KCTD8: variants seen among roughly 807,000 people sequenced by gnomAD.
The protein encoded by KCTD8 is BTB/POZ domain-containing protein KCTD8.
In KCTD8, 27 loss-of-function variants were observed where a neutral mutation model predicts 31.5. The observed-to-expected ratio is 0.86, with a 90% CI of 0.63 to 1.18. KCTD8 has a LOEUF of 1.18. Among genes scored for constraint, KCTD8 ranks in the 50% most tolerant of loss-of-function variants. The probability of loss-of-function intolerance (pLI) is 0.00; values close to 1 mark genes in which losing one functional copy is unlikely to be tolerated. For synonymous variants in KCTD8, 290 were observed against 280.0 expected (o/e 1.04, Z -0.36); for missense variants, 658 against 647.7 (o/e 1.02, Z -0.17).
intron 1 of KCTD8, among the ~76,000 whole-genome samples, chr4:44,368,229 T>G (rs1431188876): frequency 6.6e-6 from 1 of 151,774 alleles, no homozygotes; most frequent in African/African-American, 2.4e-5. Context: ...ATACAAAAAT[T>G]AGCCAGGCAT....
At chr4:44,424,353 T>C (rs1018191107) in intron 1 of KCTD8, among the ~76,000 whole-genome samples, 3 of 152,038 alleles carry the variant, frequency 2.0e-5, no homozygotes, top group African/African-American at 7.2e-5. Context: ...CAACCCAGCA[T>C]AGGTCCCTGC....
chr4:44,408,595 T>G (rs991829840), intron 1 of KCTD8, among the ~76,000 whole-genome samples: 5 of 152,288 alleles, frequency 3.3e-5, no homozygotes, highest in Non-Finnish European at 5.9e-5. Context: ...ATAGATAATT[T>G]GTAATCACTC....
In KCTD8 at chr4:44,381,046, C is replaced by T. The variant is rs181435224; in HGVS notation, c.961+66517G>A. ...ACCTCAGCTATCTAATTAATACACT[C>T]ACTTTTAATAGCCCCATTAGATTTC... On this transcript the variant is annotated intron_variant, in intron 1 of 1. Transcript: ENST00000360029. Among the ~76,000 whole-genome samples, 346 of 152,104 alleles carry T rather than the reference C, an allele frequency of 2.3e-3. 2 individuals carry two copies. The highest frequency in any genetic ancestry group is 7.5e-3 in the African/African-American group (311 of 41,546).
intron 1 of KCTD8, among the ~76,000 whole-genome samples, chr4:44,223,160 G>A (rs17538619): frequency 2.3e-4 from 35 of 152,248 alleles, no homozygotes; most frequent in South Asian, 1.2e-3. Context: ...CCAGAAAAAC[G>A]TCTGAAGACT....
intron 1 of KCTD8, among the ~76,000 whole-genome samples, chr4:44,261,441 AGAG>A (rs1053387727): frequency 1.3e-4 from 19 of 151,964 alleles, no homozygotes; most frequent in Non-Finnish European, 2.2e-4. Flanking sequence ...TAGTGTAAAT[AGAG>A]GAGAAGAGGT....
At chr4:44,298,208 G>A (rs923992663) in intron 1 of KCTD8, among the ~76,000 whole-genome samples, 1 of 152,090 alleles carries the variant, frequency 6.6e-6, no homozygotes, top group Non-Finnish European at 1.5e-5. Flanking sequence ...GCTCAGATAA[G>A]GATTTACAGC....
chr4:44,407,029 C>G (rs1197127579), intron 1 of KCTD8, among the ~76,000 whole-genome samples: 3 of 152,184 alleles, frequency 2.0e-5, no homozygotes, highest in African/African-American at 7.2e-5. Context: ...ACCTAATATC[C>G]TAGTAGGCAT....
At chr4:44,212,955 T>C (rs1003484485) in intron 1 of KCTD8, among the ~76,000 whole-genome samples, 4 of 152,328 alleles carry the variant, frequency 2.6e-5, no homozygotes, top group Non-Finnish European at 4.4e-5. Context: ...TGTTTGTTTT[T>C]GAGATGGAGT....
intron 1 of KCTD8, among the ~76,000 whole-genome samples, chr4:44,431,790 T>A (rs1721512732): frequency 6.6e-6 from 1 of 151,584 alleles, no homozygotes; most frequent in African/African-American, 2.4e-5. Flanking sequence ...TGATGTTTCC[T>A]CCACATTACT....
intron 1 of KCTD8, among the ~76,000 whole-genome samples, chr4:44,284,116 C>A (rs569176652): frequency 2.0e-5 from 3 of 151,566 alleles, no homozygotes; most frequent in African/African-American, 4.8e-5. Flanking sequence ...TCACAGAATT[C>A]GAAAAAAAAC....
intron 1 of KCTD8, among the ~76,000 whole-genome samples, chr4:44,306,082 T>G (rs1717792970): frequency 6.6e-6 from 1 of 151,808 alleles, no homozygotes; most frequent in South Asian, 2.1e-4. Context: ...TTAGAAAGAC[T>G]AAAAATTAAT....
At chr4:44,182,381 G>T (rs1713450863) in intron 1 of KCTD8, among the ~76,000 whole-genome samples, 1 of 152,232 alleles carries the variant, frequency 6.6e-6, no homozygotes, top group Non-Finnish European at 1.5e-5. Flanking sequence ...AGAGAAATCA[G>T]GTTGTTGCTG....
chr4:44,243,797 A>G (rs974206737), intron 1 of KCTD8, among the ~76,000 whole-genome samples: 2 of 152,266 alleles, frequency 1.3e-5, no homozygotes, highest in African/African-American at 4.8e-5. Flanking sequence ...AAGAAAAGGA[A>G]GAGAAGGAGA....
chr4:44,391,435 C>T (rs549051372), intron 1 of KCTD8, among the ~76,000 whole-genome samples: 19 of 151,986 alleles, frequency 1.3e-4, no homozygotes, highest in African/African-American at 4.3e-4. Context: ...CCCTTCTCTT[C>T]CTCCTCTTCC....
intron 1 of KCTD8, among the ~76,000 whole-genome samples, chr4:44,371,125 G>A (rs1719772912): frequency 6.6e-6 from 1 of 151,986 alleles, no homozygotes; most frequent in African/African-American, 2.4e-5. Flanking sequence ...TGGAGGACAG[G>A]ATACAGTGAA....
At chr4:44,195,752 A>G (rs929749995) in intron 1 of KCTD8, among the ~76,000 whole-genome samples, 4 of 152,200 alleles carry the variant, frequency 2.6e-5, no homozygotes. Context: ...ACACTCTAGA[A>G]CCAAGATCCT....
chr4:44,318,055 A>G (rs1475810001), intron 1 of KCTD8, among the ~76,000 whole-genome samples: 1 of 151,976 alleles, frequency 6.6e-6, no homozygotes, highest in African/African-American at 2.4e-5. Flanking sequence ...GCATCTCTGG[A>G]CTCCCTTGGG....
rs1190629006 is a variant in KCTD8 at position 44,235,559 on chromosome 4, ATATATATATATATATATT to A, written c.962-60327_962-60310del. Among the ~76,000 whole-genome samples, 561 of 77,682 alleles carry A rather than the reference ATATATATATATATATATT, an allele frequency of 7.2e-3. 3 individuals carry two copies. The highest frequency in any genetic ancestry group is 0.029 in the African/African-American group (518 of 17,586). 51.0% of individuals were successfully genotyped at this position (77,682 alleles called of 152,430 possible). A position where few individuals can be genotyped will look rare whatever the true frequency, so the allele number is the denominator to read the frequency against. Reference sequence around the variant, plus strand: ...TATATATATATATATATATATATATATATATATATATATATATTTAGAGAGAGAGAGAGAGAGAGAGAG... The same window carrying A: ...TATATATATATATATATATATATATATAGAGAGAGAGAGAGAGAGAGAGAG... On this transcript the variant is annotated intron_variant, in intron 1 of 1. Coordinates refer to ENST00000360029, the MANE Select transcript of KCTD8 (RefSeq NM_198353.3).
chr4:44,266,153 G>C (rs1247711235), intron 1 of KCTD8, among the ~76,000 whole-genome samples: 2 of 152,114 alleles, frequency 1.3e-5, no homozygotes, highest in African/African-American at 2.4e-5. Context: ...GAAAGGTTGG[G>C]TTACCCACAA....
Sources: gnomAD v4.1 joint callset for allele counts (sites outside exome capture counted in the v4.1 genomes callset) on GRCh38, gnomAD v4.1.1 for gene constraint, MANE v1.5 for transcripts, NCBI Gene and HGNC (gene_info 2026-07-23, HGNC 2026-07-21) for gene names.